The following AHCTF1 variants were observed in gnomAD, a reference collection of about 807,000 sequenced individuals.
The protein encoded by AHCTF1 is AT-hook containing transcription factor 1.
In AHCTF1, 24 loss-of-function variants were observed where a neutral mutation model predicts 248.4. The observed-to-expected ratio is 0.10, with a 90% CI of 0.07 to 0.14. The LOEUF (loss-of-function observed/expected upper bound fraction) is 0.14. Ranked by LOEUF, AHCTF1 falls within the 10% of genes least tolerant of loss-of-function variation. AHCTF1 has a pLI of 1.00. For missense variants in AHCTF1, 2,206 were observed against 2,636.2 expected (o/e 0.84, Z 3.57); for synonymous variants, 786 against 929.8 (o/e 0.85, Z 2.81).
intron 8 of AHCTF1, among the ~76,000 whole-genome samples, chr1:246,900,928 A>G (rs1407517296): frequency 6.6e-6 from 1 of 152,202 alleles, no homozygotes; most frequent in East Asian, 1.9e-4. Flanking sequence ...GAAAAAGAAA[A>G]GTGCTTGGAT....
In AHCTF1 at chr1:246,921,520, T is replaced by C. The variant is rs541620784; in HGVS notation, c.-7-3143A>G. Among the ~76,000 whole-genome samples, 5 of 152,224 alleles carry C rather than the reference T, an allele frequency of 3.3e-5. No individual in the cohort carries two copies. In the East Asian group the frequency reaches 9.7e-4, roughly 29 times the overall value. ...GAATGCAGCACAAAGGGATGAGTAG[T>C]TTTAAATTATAGATAAGGAAGATCT... On this transcript the variant is annotated intron_variant, in intron 1 of 35. Coordinates refer to ENST00000648844, the MANE Select transcript of AHCTF1 (RefSeq NM_001323342.2).
At chr1:246,926,986 A>T (rs749036247) in intron 1 of AHCTF1, among the ~76,000 whole-genome samples, 1 of 151,720 alleles carries the variant, frequency 6.6e-6, no homozygotes, top group African/African-American at 2.4e-5. Flanking sequence ...CATCCTGGCT[A>T]ACAAGGTGAA....
chr1:246,917,784 C>A (rs1414471481), intron 2 of AHCTF1, among the ~76,000 whole-genome samples: 1 of 152,136 alleles, frequency 6.6e-6, no homozygotes, highest in Admixed American at 6.5e-5. Flanking sequence ...TAGTATGGTT[C>A]TCTGATGTAT....
chr1:246,912,052 G>C (rs1033510457), intron 4 of AHCTF1, among the ~76,000 whole-genome samples: 1 of 151,646 alleles, frequency 6.6e-6, no homozygotes, highest in Non-Finnish European at 1.5e-5. Flanking sequence ...GTTTTAATCG[G>C]TTTTTTTATA....
chr1:246,854,280 C>G (rs1013416740), intron 31 of AHCTF1, among the ~76,000 whole-genome samples: 1 of 134,134 alleles, frequency 7.5e-6, no homozygotes, highest in African/African-American at 3.0e-5. Context: ...GCCTGGGTGA[C>G]AGAGCGAGAC....
chr1:246,928,551 G>C (rs1667113937), intron 1 of AHCTF1, among the ~76,000 whole-genome samples: 1 of 152,074 alleles, frequency 6.6e-6, no homozygotes, highest in South Asian at 2.1e-4. Flanking sequence ...TAAAACTCAA[G>C]ATTGGGCCCA....
intron 7 of AHCTF1, 145 bp downstream of exon 7, chr1:246,903,804 C>T: frequency 1.5e-6 from 1 of 660,714 alleles, no homozygotes; most frequent in Non-Finnish European, 2.5e-6. Flanking sequence ...CACCACTGCA[C>T]TCCAGCCTGG....
chr1:246,855,897 C>T, intron 30 of AHCTF1, 70 bp from the exon 31 acceptor site: 1 of 1,071,820 alleles, frequency 9.3e-7, no homozygotes, highest in Non-Finnish European at 1.4e-6. Context: ...TTTAGTCCTA[C>T]CACCTAACCT....
intron 1 of AHCTF1, chr1:246,931,037 T>C (rs1667313614): frequency 6.8e-7 from 1 of 1,465,188 alleles, no homozygotes; most frequent in Non-Finnish European, 9.1e-7. Context: ...GATGTGCTTT[T>C]ATTTTAAATC....
intron 30 of AHCTF1, among the ~76,000 whole-genome samples, chr1:246,856,929 A>T (rs982798138): frequency 6.6e-6 from 1 of 152,226 alleles, no homozygotes. Context: ...AATTTTACTG[A>T]ATCACCCTTA....
chr1:246,898,886 G>A (rs889302973), intron 11 of AHCTF1, among the ~76,000 whole-genome samples: 1 of 152,260 alleles, frequency 6.6e-6, no homozygotes, highest in Admixed American at 6.5e-5. Context: ...TCAGGAGTTC[G>A]AGACCAGCCT....
At chr1:246,927,955 A>G (rs986947595) in intron 1 of AHCTF1, among the ~76,000 whole-genome samples, 9 of 152,022 alleles carry the variant, frequency 5.9e-5, no homozygotes, top group Non-Finnish European at 1.3e-4. Flanking sequence ...AGCCAAGATC[A>G]CGCCACTGCA....
At chr1:246,908,909 A>G (rs1444392564) in intron 4 of AHCTF1, among the ~76,000 whole-genome samples, 1 of 151,602 alleles carries the variant, frequency 6.6e-6, no homozygotes, top group Admixed American at 6.6e-5. Context: ...AAAGAAAAAA[A>G]AAAAAAAGAA....
intron 1 of AHCTF1, among the ~76,000 whole-genome samples, chr1:246,920,089 G>A (rs556395703): frequency 1.5e-5 from 2 of 131,796 alleles, no homozygotes; most frequent in African/African-American, 5.7e-5. Context: ...GCAGTGAGCC[G>A]AGATTGTGCA....
At chr1:246,868,056 G>T (rs1662141483) in intron 24 of AHCTF1, among the ~76,000 whole-genome samples, 1 of 151,602 alleles carries the variant, frequency 6.6e-6, no homozygotes, top group South Asian at 2.1e-4. Context: ...TCTGCCTCCT[G>T]GGTTCAAGCG....
Position 246,850,979 on chromosome 1 carries a change from A to C in AHCTF1, c.5027T>G (p.Ile1676Ser). The change falls in exon 33 of 36, where the codon ATT becomes AGT. Residue 1676 changes from isoleucine to serine, a missense_variant. By Grantham distance (142) the Ile-to-Ser change is moderately radical (BLOSUM62 -2). This residue lies in a region of AHCTF1 where 955 missense variants were observed against 1,055.6 expected (regional missense o/e 0.90). Transcript: ENST00000648844. ...AATTTCTTTACTTCTTGTGTCTTTA[A>C]TTACATCTAGTAAATTTTCTGCAAT... ...VAIAENLLDV[I>S]KDTRSKEITS... 6.2e-7 allele frequency: 1 copy of C among 1,613,890 alleles called. No individual in the cohort carries two copies. Among genetic ancestry groups the C allele is most frequent in the Middle Eastern group, 1.7e-4 (1 of 6,056 alleles).
At position 246,864,056 on chromosome 1, in the gene AHCTF1, C is replaced by A. The variant is rs373954182; in HGVS notation, c.3408G>T (p.Gln1136His). The A allele has an allele frequency of 8.1e-6, 13 of 1,613,984 alleles. No homozygotes were observed. Among genetic ancestry groups the A allele is most frequent in the Non-Finnish European group, 1.1e-5 (13 of 1,180,000 alleles). Residue 1136 changes from glutamine to histidine, a missense_variant, in exon 27 of 36, where the codon CAG becomes CAT. By Grantham distance (24) the Gln-to-His change is conservative. Coordinates refer to ENST00000648844, the MANE Select transcript of AHCTF1 (RefSeq NM_001323342.2). ...PRPSQCSEFI[Q>H]QSSMKSPLYL... Reference sequence around the variant, plus strand: ...ACAAAGGAGATTTCATGGAGCTTTGCTGAATAAACTCCGAACACTGAGAAG... The same window carrying A: ...ACAAAGGAGATTTCATGGAGCTTTGATGAATAAACTCCGAACACTGAGAAG...
Position 246,841,954 on chromosome 1 carries a change from A to G in AHCTF1, c.6608+740T>C, listed in dbSNP as rs1001765811. Among the ~76,000 whole-genome samples, 5 of 119,024 alleles carry G rather than the reference A, an allele frequency of 4.2e-5. No individual in the cohort carries two copies. The East Asian group carries it at 1.0e-3, about 25-fold the overall frequency. The allele number at this position is 119,024 out of a possible 152,430, so 78.1% of individuals were successfully genotyped here. The stretch of plus-strand genomic sequence containing the variant: ...CAGGCACCCACCACCACGCCCAGCT[A>G]ATTTTTTTTTTTTTTTTTTTCAGTA... On this transcript the variant is annotated intron_variant, in intron 35 of 35. Coordinates refer to ENST00000648844, the MANE Select transcript of AHCTF1 (RefSeq NM_001323342.2).
chr1:246,860,899 C>G lies in AHCTF1; in HGVS notation c.4132G>C (p.Gly1378Arg), dbSNP rs1326438138. Residue 1378 changes from glycine to arginine, a missense_variant and splice_region_variant, in exon 29 of 36, where the codon GGC becomes CGC. This residue lies in a region of AHCTF1 where 955 missense variants were observed against 1,055.6 expected (regional missense o/e 0.90). Transcript: ENST00000648844. The part of the protein sequence containing the change: ...VTPSDLQKQM[G>R]NLEDAETKDL... ...TGAGTATTCAGAAATGAGTTCTTACCCATTTGTTTCTGTAGGTCTGAAGGA... is the reference window on the plus strand; with the variant it reads ...TGAGTATTCAGAAATGAGTTCTTACGCATTTGTTTCTGTAGGTCTGAAGGA... 1.1e-5 allele frequency: 18 copies of G among 1,604,574 alleles called. No individual in the cohort carries two copies. The highest frequency in any genetic ancestry group is 1.7e-5 in the Admixed American group (1 of 59,686).
Sources: gnomAD v4.1 joint callset for allele counts (sites outside exome capture counted in the v4.1 genomes callset) on GRCh38, gnomAD v4.1.1 for gene constraint, gnomAD v4.1.1 regional missense constraint, MANE v1.5 for transcripts, NCBI Gene and HGNC (gene_info 2026-07-23, HGNC 2026-07-21) for gene names.